The following HLCS variants were observed in gnomAD, a reference collection of about 807,000 sequenced individuals.
The protein encoded by HLCS is biotin--protein ligase.
Under a neutral mutation model 75.0 loss-of-function variants are expected in HLCS, and 53 were observed. The ratio of observed to expected loss-of-function variants is 0.71; its 90% CI spans 0.57 to 0.89. The LOEUF (loss-of-function observed/expected upper bound fraction) is 0.89. HLCS is among the 40% of genes least tolerant of loss of function. The pLI is 0.00. For missense variants in HLCS, 966 were observed against 1,074.0 expected (o/e 0.90, Z 1.41); for synonymous variants, 431 against 428.6 (o/e 1.01, Z -0.07).
chr21:36,804,391 G>A (rs755963591), intron 6 of HLCS: 3 of 152,230 alleles, frequency 2.0e-5, no homozygotes, highest in Admixed American at 1.3e-4. Context: ...ATTACTCATA[G>A]GCTGGGATCC....
At position 36,874,998 on chromosome 21, in the gene HLCS, C is replaced by T. The variant is rs544473121; in HGVS notation, c.1892+21862G>A. Among the ~76,000 whole-genome samples the T allele has an allele frequency of 4.6e-5, 7 of 152,320 alleles. No individual in the cohort carries two copies. The South Asian group carries it at 1.5e-3, about 32-fold the overall frequency. ...AGCGCGGGTGCTGTCATGACCCAGC[C>T]AGGTGTGCACATATGCAGAGTAGCC... On this transcript the variant is annotated intron_variant, in intron 6 of 10. Coordinates refer to ENST00000674895, the MANE Select transcript of HLCS (RefSeq NM_001352514.2).
At chr21:36,822,917 G>C (rs1004363794) in intron 6 of HLCS, among the ~76,000 whole-genome samples, 1 of 152,116 alleles carries the variant, frequency 6.6e-6, no homozygotes, top group African/African-American at 2.4e-5. Context: ...AGGGTTAAAA[G>C]AAATAAAAAC....
At chr21:36,954,471 C>A (rs1471658984) in intron 2 of HLCS, among the ~76,000 whole-genome samples, 1 of 151,656 alleles carries the variant, frequency 6.6e-6, no homozygotes, top group Admixed American at 6.6e-5. Context: ...AAAAAATTAA[C>A]CAGGCGTGGT....
chr21:36,956,018 T>C (rs1278390977), intron 2 of HLCS, among the ~76,000 whole-genome samples: 1 of 152,200 alleles, frequency 6.6e-6, no homozygotes, highest in Non-Finnish European at 1.5e-5. Flanking sequence ...CTACAGCATC[T>C]AGACTTGTAT....
At chr21:36,857,789 TTTG>T (rs1180222672) in intron 6 of HLCS, among the ~76,000 whole-genome samples, 2 of 152,126 alleles carry the variant, frequency 1.3e-5, no homozygotes, top group South Asian at 2.1e-4. Flanking sequence ...TTTTTTGTTT[TTTG>T]TTGTTGTTGT....
rs759050384 is a variant in HLCS at position 36,781,181 on chromosome 21, G to A, written c.1893-13896C>T. On this transcript the variant is annotated intron_variant, in intron 6 of 10. Transcript: ENST00000674895. ...CTAAGGCCTGATGATCTGAGGTGGAGCTGAGGCGGAGGTTGCAGTGAGCTG... is the reference window on the plus strand; with the variant it reads ...CTAAGGCCTGATGATCTGAGGTGGAACTGAGGCGGAGGTTGCAGTGAGCTG... 8.6e-5 allele frequency among the ~76,000 whole-genome samples: 13 copies of A among 150,956 alleles called. 1 individual carries two copies. The highest frequency in any genetic ancestry group is 1.5e-4 in the African/African-American group (6 of 40,950).
At chr21:36,952,218 C>T (rs146293522) in intron 2 of HLCS, among the ~76,000 whole-genome samples, 3 of 152,218 alleles carry the variant, frequency 2.0e-5, no homozygotes, top group African/African-American at 7.2e-5. Flanking sequence ...TAAGAACCCC[C>T]CAAAATGCAA....
rs1036028053 is a variant in HLCS at position 36,757,500 on chromosome 21, G to A, written c.2237-745C>T. Among the ~76,000 whole-genome samples, 33 of 152,196 alleles carry A rather than the reference G, an allele frequency of 2.2e-4. 1 individual carries two copies. Among genetic ancestry groups the A allele is most frequent in the African/African-American group, 6.5e-4 (27 of 41,520 alleles). On this transcript the variant is annotated intron_variant, in intron 9 of 10. Transcript: ENST00000674895. Reference sequence around the variant, plus strand: ...TCAGTGTTCAGCAGGGCCCTGAATCGGCCTGCGAGAGGTCTTCAGTAAGAA... The same window carrying A: ...TCAGTGTTCAGCAGGGCCCTGAATCAGCCTGCGAGAGGTCTTCAGTAAGAA...
chr21:36,862,362 G>A (rs191628166), intron 6 of HLCS, among the ~76,000 whole-genome samples: 34 of 152,126 alleles, frequency 2.2e-4, no homozygotes, highest in African/African-American at 7.5e-4. Flanking sequence ...CTTGCAAGGC[G>A]CTGCCTGTTT....
At chr21:36,989,049 T>G (rs60140733) in intron 1 of HLCS, among the ~76,000 whole-genome samples, 37,596 of 149,870 alleles carry the variant, frequency 0.25, 4,699 homozygotes, top group South Asian at 0.35. Context: ...TTTATTTATT[T>G]TTTTTGAGAC....
At chr21:36,888,490 A>T (rs184522227) in intron 6 of HLCS, among the ~76,000 whole-genome samples, 9,004 of 77,210 alleles carry the variant, frequency 0.12, 1,014 homozygotes, top group Non-Finnish European at 0.16. Flanking sequence ...ATATATATAT[A>T]TATATATTTA....
At chr21:36,757,866 A>G (rs2089665554) in intron 9 of HLCS, among the ~76,000 whole-genome samples, 1 of 152,218 alleles carries the variant, frequency 6.6e-6, no homozygotes, top group Non-Finnish European at 1.5e-5. Flanking sequence ...AAGGCATTAA[A>G]TCAAGTGCTG....
At chr21:36,754,731 A>G (rs1258244977) in intron 10 of HLCS, among the ~76,000 whole-genome samples, 1 of 152,212 alleles carries the variant, frequency 6.6e-6, no homozygotes, top group Non-Finnish European at 1.5e-5. Context: ...AGCGCTTTTA[A>G]GAAACACTGT....
chr21:36,815,354 G>A (rs2061632436), intron 6 of HLCS, among the ~76,000 whole-genome samples: 1 of 152,154 alleles, frequency 6.6e-6, no homozygotes, highest in Non-Finnish European at 1.5e-5. Flanking sequence ...TAACAGTGAA[G>A]GTGAAATACA....
At chr21:36,958,990 G>A (rs920744248) in intron 2 of HLCS, among the ~76,000 whole-genome samples, 16 of 152,178 alleles carry the variant, frequency 1.1e-4, no homozygotes, top group Non-Finnish European at 1.9e-4. Flanking sequence ...CCAGGGATAC[G>A]CGCTCTGTGG....
At chr21:36,872,167 A>G (rs990411019) in intron 6 of HLCS, among the ~76,000 whole-genome samples, 6 of 152,170 alleles carry the variant, frequency 3.9e-5, no homozygotes, top group Non-Finnish European at 5.9e-5. Flanking sequence ...TCACACCTGT[A>G]ATCCTAGCAC....
At chr21:36,846,799 C>T (rs1008511588) in intron 6 of HLCS, among the ~76,000 whole-genome samples, 1 of 152,194 alleles carries the variant, frequency 6.6e-6, no homozygotes, top group African/African-American at 2.4e-5. Flanking sequence ...TAAACAACTG[C>T]TAAATCTGAA....
Position 36,936,754 on chromosome 21 carries a change from G to C in HLCS, c.1132C>G (p.Gln378Glu), listed in dbSNP as rs1481968221. Residue 378 changes from glutamine (Q) to glutamate (E), a missense_variant, in exon 4 of 11, where the codon CAG (glutamine) becomes GAG (glutamate). Physicochemically the swap from Gln to Glu is conservative, Grantham distance 29. Coordinates refer to ENST00000674895, the MANE Select transcript of HLCS (RefSeq NM_001352514.2). ...TRESIPEDLYQKFMAYLSQGG... is the reference protein window; with the variant it reads ...TRESIPEDLYEKFMAYLSQGG... Reference sequence around the variant, plus strand: ...TGAGAAAGATAGGCCATGAACTTCTGGTACAGGTCTTCGGGAATGGACTCC... The same window carrying C: ...TGAGAAAGATAGGCCATGAACTTCTCGTACAGGTCTTCGGGAATGGACTCC... The C allele has an allele frequency of 1.2e-6, 2 of 1,614,116 alleles. No homozygotes were observed. The highest frequency in any genetic ancestry group is 3.3e-5 in the Admixed American group (2 of 60,008).
At chr21:36,766,138 C>T (rs906526564) in intron 7 of HLCS, among the ~76,000 whole-genome samples, 1 of 152,144 alleles carries the variant, frequency 6.6e-6, no homozygotes, top group Non-Finnish European at 1.5e-5. Flanking sequence ...ATGCTCCCAC[C>T]TCAGGCTCCC....
Sources: allele counts gnomAD v4.1 joint callset (sites outside exome capture counted in the v4.1 genomes callset), GRCh38; gene constraint gnomAD v4.1.1; transcripts MANE v1.5; gene names NCBI Gene and HGNC (gene_info 2026-07-23, HGNC 2026-07-21).